KHDRBS2: variants seen among roughly 807,000 people sequenced by gnomAD.
KHDRBS2 encodes KH domain-containing, RNA-binding, signal transduction-associated protein 2.
In KHDRBS2, 26 loss-of-function variants were observed where a neutral mutation model predicts 44.3. The observed-to-expected ratio is 0.59, with a 90% confidence interval of 0.43 to 0.81. The LOEUF is 0.81. Ranked by LOEUF, KHDRBS2 falls within the 40% of genes least tolerant of loss-of-function variation. The pLI, the probability that KHDRBS2 is intolerant of heterozygous loss-of-function variation, is 0.00. For synonymous variants in KHDRBS2, 194 were observed against 151.1 expected, an observed-to-expected ratio of 1.28 and a Z score of -2.08; for missense variants, 476 against 433.1, an observed-to-expected ratio of 1.10 and a Z score of -0.88.
chr6:62,273,691 G>A (rs918913434), intron 1 of KHDRBS2, among the ~76,000 whole-genome samples: 18 of 152,108 alleles, frequency 1.2e-4, no homozygotes, highest in African/African-American at 2.6e-4. Context: ...CTAGTAAAAC[G>A]TAAACCATTG....
intron 2 of KHDRBS2, among the ~76,000 whole-genome samples, chr6:62,111,015 A>G (rs1288206944): frequency 6.6e-6 from 1 of 152,116 alleles, no homozygotes; most frequent in Non-Finnish European, 1.5e-5. Context: ...ATATAAAGTA[A>G]GTATTTTTAT....
At chr6:62,169,720 G>A (rs1213298104) in intron 2 of KHDRBS2, among the ~76,000 whole-genome samples, 1 of 152,020 alleles carries the variant, frequency 6.6e-6, no homozygotes. Context: ...CGGCCCCACT[G>A]CATTACACCA....
intron 2 of KHDRBS2, among the ~76,000 whole-genome samples, chr6:62,129,700 A>G (rs1309804307): frequency 6.6e-6 from 1 of 152,156 alleles, no homozygotes; most frequent in Non-Finnish European, 1.5e-5. Flanking sequence ...AATTAATTGA[A>G]TTAAAATAGC....
At chr6:62,275,068 A>T (rs960505484) in intron 1 of KHDRBS2, among the ~76,000 whole-genome samples, 1 of 151,130 alleles carries the variant, frequency 6.6e-6, no homozygotes, top group Non-Finnish European at 1.5e-5. Flanking sequence ...ATTTTACTCA[A>T]AGGGAAACCA....
intron 6 of KHDRBS2, among the ~76,000 whole-genome samples, chr6:61,821,797 T>TC (rs1392003912): frequency 6.6e-6 from 1 of 151,900 alleles, no homozygotes; most frequent in Non-Finnish European, 1.5e-5. Context: ...AGATTTTTTT[T>TC]TCCATTAGAG....
chr6:62,010,583 T>C (rs1780118631), intron 3 of KHDRBS2, among the ~76,000 whole-genome samples: 3 of 152,124 alleles, frequency 2.0e-5, no homozygotes, highest in Admixed American at 6.5e-5. Flanking sequence ...TTGCGATGTG[T>C]TGTGGGAGGG....
chr6:62,008,425 T>C (rs1246694918), intron 3 of KHDRBS2, among the ~76,000 whole-genome samples: 2 of 152,196 alleles, frequency 1.3e-5, no homozygotes, highest in Admixed American at 6.5e-5. Context: ...AAAATATATA[T>C]GTACATAACT....
At chr6:61,702,729 C>A (rs1375832120) in intron 7 of KHDRBS2, among the ~76,000 whole-genome samples, 3 of 151,804 alleles carry the variant, frequency 2.0e-5, no homozygotes, top group South Asian at 2.1e-4. Flanking sequence ...CAACTCATGT[C>A]TTTTCTGATA....
intron 4 of KHDRBS2, among the ~76,000 whole-genome samples, chr6:61,962,239 T>C (rs1283779483): frequency 6.6e-6 from 1 of 152,110 alleles, no homozygotes; most frequent in Non-Finnish European, 1.5e-5. Flanking sequence ...TGAAAGTTCA[T>C]GGTTAGGTTC....
the KHDRBS2 span, among the ~76,000 whole-genome samples, chr6:61,552,710 G>C: frequency 6.6e-6 from 1 of 152,096 alleles, no homozygotes; most frequent in Admixed American, 6.6e-5. Flanking sequence ...AACATAAAGG[G>C]ATGTTGAATT....
At chr6:61,782,689 G>GTGTA (rs1189465280) in intron 6 of KHDRBS2, among the ~76,000 whole-genome samples, 19 of 111,134 alleles carry the variant, frequency 1.7e-4, no homozygotes, top group South Asian at 9.3e-4. Context: ...TAAAGGTTGT[G>GTGTA]TATATATATA....
intron 6 of KHDRBS2, among the ~76,000 whole-genome samples, chr6:61,808,783 T>C (rs892425388): frequency 6.6e-6 from 1 of 152,158 alleles, no homozygotes; most frequent in African/African-American, 2.4e-5. Flanking sequence ...AAAATACATC[T>C]GTATTGATAT....
chr6:61,714,207 A>AAC (rs1248797535), intron 7 of KHDRBS2, among the ~76,000 whole-genome samples: 2 of 151,262 alleles, frequency 1.3e-5, no homozygotes, highest in African/African-American at 4.9e-5. Flanking sequence ...TAACAACAAC[A>AAC]AAAAAACCCC....
In KHDRBS2 at chr6:61,782,689, GTATATATATATATATATATATA is replaced by G. The variant is rs70993182; in HGVS notation, c.811-49947_811-49926del. Among the ~76,000 whole-genome samples, 290 of 111,128 alleles carry G rather than the reference GTATATATATATATATATATATA, an allele frequency of 2.6e-3. 6 individuals are homozygous for G. The highest frequency in any genetic ancestry group is 7.4e-3 in the East Asian group (28 of 3,764). 72.9% of individuals were successfully genotyped at this position (111,128 alleles called of 152,430 possible). A position where few individuals can be genotyped will look rare whatever the true frequency, so the allele number is the denominator to read the frequency against. On this transcript the variant is annotated intron_variant, in intron 6 of 8. Transcript: ENST00000281156. The stretch of plus-strand genomic sequence containing the variant: ...TTTTATACCTGTGTATAAAGGTTGT[GTATATATATATATATATATATA>G]TATATATATATATATATATATATAT...
At chr6:62,146,481 C>A (rs578073243) in intron 2 of KHDRBS2, among the ~76,000 whole-genome samples, 2 of 146,310 alleles carry the variant, frequency 1.4e-5, no homozygotes, top group Non-Finnish European at 3.1e-5. Context: ...AAAAAAAAAA[C>A]GGTTTAAAAA....
chr6:61,990,542 G>T (rs1472703103), intron 3 of KHDRBS2, among the ~76,000 whole-genome samples: 2 of 151,884 alleles, frequency 1.3e-5, no homozygotes, highest in Non-Finnish European at 2.9e-5. Context: ...TCTAGAAGTA[G>T]AACTACAAAG....
intron 2 of KHDRBS2, among the ~76,000 whole-genome samples, chr6:62,173,294 C>A (rs1207165250): frequency 4.6e-5 from 7 of 151,530 alleles, no homozygotes; most frequent in Non-Finnish European, 7.4e-5. Flanking sequence ...CCTTCAGAGA[C>A]TATTAAAAAC....
intron 6 of KHDRBS2, among the ~76,000 whole-genome samples, chr6:61,866,228 T>C (rs1227733496): frequency 6.6e-6 from 1 of 152,216 alleles, no homozygotes; most frequent in South Asian, 2.1e-4. Flanking sequence ...AACTTCTACC[T>C]GGACATTCAG....
chr6:61,854,830 C>G (rs1236845669), intron 6 of KHDRBS2, among the ~76,000 whole-genome samples: 2 of 152,146 alleles, frequency 1.3e-5, no homozygotes, highest in Admixed American at 1.3e-4. Context: ...CCATAATTAT[C>G]TTAGAGAAAG....
Sources: gnomAD v4.1 joint callset for allele counts (sites outside exome capture counted in the v4.1 genomes callset) on GRCh38, gnomAD v4.1.1 for gene constraint, MANE v1.5 for transcripts, NCBI Gene and HGNC (gene_info 2026-07-23, HGNC 2026-07-21) for gene names.